The following CPXM2 variants were observed in gnomAD, a reference collection of about 807,000 sequenced individuals.
CPXM2 encodes inactive carboxypeptidase-like protein X2.
In CPXM2, 66 loss-of-function variants were observed where a neutral mutation model predicts 86.1. The ratio of observed to expected loss-of-function variants is 0.77; its 90% CI spans 0.63 to 0.94. The LOEUF (loss-of-function observed/expected upper bound fraction) is 0.94. CPXM2 is among the 40% of genes least tolerant of loss of function. The pLI is 0.00. For missense variants in CPXM2, 948 were observed against 1,026.3 expected (o/e 0.92, Z 1.04); for synonymous variants, 388 against 400.2 (o/e 0.97, Z 0.36).
chr10:123,916,131 G>A (rs1388636274), intron 2 of CPXM2, among the ~76,000 whole-genome samples: 1 of 152,176 alleles, frequency 6.6e-6, no homozygotes, highest in Non-Finnish European at 1.5e-5. Flanking sequence ...ATTACTACAG[G>A]AGTGGAAAGC....
At chr10:123,750,361 C>CCT (rs1846047744) in intron 13 of CPXM2, 3 of 971,988 alleles carry the variant, frequency 3.1e-6, no homozygotes, top group Non-Finnish European at 3.7e-6. Context: ...TCCCAGCCGG[C>CCT]CTCTCTCCAG....
In CPXM2 at chr10:123,828,034, T is replaced by G. The variant is rs1168973897; in HGVS notation, c.653+14315A>C. ...TTAAAAACAAAAATTAGCCAGATGTTGTGGTGCATGCCTCTAGTCCTTGCT... is the reference window on the plus strand; with the variant it reads ...TTAAAAACAAAAATTAGCCAGATGTGGTGGTGCATGCCTCTAGTCCTTGCT... On this transcript the variant is annotated intron_variant, in intron 4 of 13. Transcript: ENST00000241305. Among the ~76,000 whole-genome samples, 3 of 151,970 alleles carry G rather than the reference T, an allele frequency of 2.0e-5. No homozygotes were observed. In the East Asian group the frequency reaches 5.8e-4, roughly 29 times the overall value.
intron 2 of CPXM2, among the ~76,000 whole-genome samples, chr10:123,872,690 G>A (rs922360321): frequency 6.6e-6 from 1 of 152,128 alleles, no homozygotes; most frequent in African/African-American, 2.4e-5. Context: ...GTCCCTCCTG[G>A]AGAAAATCTG....
Position 123,826,276 on chromosome 10 carries a change from G to C in CPXM2, c.653+16073C>G, listed in dbSNP as rs142188899. ...GGCAGGATTTTCATCTCCCCTGCAA[G>C]ATTATGCTTCTGAGCACGGAAGGTT... On this transcript the variant is annotated intron_variant, in intron 4 of 13. Coordinates refer to ENST00000241305, the MANE Select transcript of CPXM2 (RefSeq NM_198148.3). Among the ~76,000 whole-genome samples the C allele has an allele frequency of 1.1e-4, 17 of 152,292 alleles. No homozygotes were observed. The East Asian group carries it at 3.1e-3, about 28-fold the overall frequency.
intron 2 of CPXM2, among the ~76,000 whole-genome samples, chr10:123,919,551 G>C (rs958221670): frequency 6.6e-6 from 1 of 152,148 alleles, no homozygotes; most frequent in Admixed American, 6.5e-5. Flanking sequence ...TCTCAGTAAA[G>C]AAATAGAACC....
In CPXM2 at chr10:123,752,686, T is replaced by C. The variant is rs1846106585; in HGVS notation, c.2017+1977A>G. 1.2e-5 allele frequency: 11 copies of C among 917,286 alleles called. No homozygotes were observed. In the South Asian group the frequency reaches 2.0e-4, roughly 17 times the overall value. 56.8% of individuals were successfully genotyped at this position (917,286 alleles called of 1,614,324 possible). On this transcript the variant is annotated intron_variant, in intron 13 of 13. Coordinates refer to ENST00000241305, the MANE Select transcript of CPXM2 (RefSeq NM_198148.3). ...TCCTCCCTGTTCAAGAAAAATGGCA[T>C]GGAAATAAAGGAAGGAGCACCAGAT...
At chr10:123,751,208 A>G (rs1302476966) in intron 13 of CPXM2, 1 of 239,622 alleles carries the variant, frequency 4.2e-6, no homozygotes, top group Non-Finnish European at 6.7e-6. Context: ...CATAAGCCAG[A>G]GATGTTTGTA....
chr10:123,785,743 C>A (rs1196371529), intron 6 of CPXM2, among the ~76,000 whole-genome samples: 1 of 151,992 alleles, frequency 6.6e-6, no homozygotes, highest in South Asian at 2.1e-4. Flanking sequence ...CGCCATTCTC[C>A]TGTCTCAGCC....
chr10:123,802,997 G>A (rs896672377), intron 4 of CPXM2, among the ~76,000 whole-genome samples: 3 of 150,282 alleles, frequency 2.0e-5, no homozygotes, highest in Admixed American at 2.0e-4. Context: ...CAATTAAGTT[G>A]TCTGTCTTTC....
intron 2 of CPXM2, among the ~76,000 whole-genome samples, chr10:123,936,069 A>ATTATCACCAGCAT: frequency 6.6e-6 from 1 of 151,992 alleles, no homozygotes; most frequent in East Asian, 1.9e-4. Flanking sequence ...CATCATCACC[A>ATTATCACCAGCAT]CTATCTTTAC....
At chr10:123,842,265 C>A (rs1246484543) in intron 4 of CPXM2, 84 bp downstream of exon 4, 1 of 1,555,574 alleles carries the variant, frequency 6.4e-7, no homozygotes, top group African/African-American at 1.4e-5. Context: ...CACCTCTCTG[C>A]AACTTCCAGA....
At chr10:123,833,793 C>A (rs1028334826) in intron 4 of CPXM2, among the ~76,000 whole-genome samples, 1 of 152,146 alleles carries the variant, frequency 6.6e-6, no homozygotes, top group Non-Finnish European at 1.5e-5. Context: ...GGATGTGGTC[C>A]GAGCACATTT....
In CPXM2 at chr10:123,808,491, C is replaced by T. The variant is rs572414643; in HGVS notation, c.654-9292G>A. The stretch of plus-strand genomic sequence containing the variant: ...ATCTAACAGTGCCAGGATCAGAGTA[C>T]TAAGCCTGAGGACCATCGAAAGCTA... On this transcript the variant is annotated intron_variant, in intron 4 of 13. Coordinates refer to ENST00000241305, the MANE Select transcript of CPXM2 (RefSeq NM_198148.3). 1.1e-4 allele frequency among the ~76,000 whole-genome samples: 16 copies of T among 152,258 alleles called. No homozygotes were observed. The South Asian group carries it at 3.3e-3, about 32-fold the overall frequency.
At chr10:123,921,929 C>G (rs1031199005) in intron 2 of CPXM2, among the ~76,000 whole-genome samples, 1 of 151,922 alleles carries the variant, frequency 6.6e-6, no homozygotes, top group Non-Finnish European at 1.5e-5. Flanking sequence ...TGTGTGATGC[C>G]TGATGCCTTT....
At chr10:123,845,713 T>C (rs1017998312) in intron 3 of CPXM2, among the ~76,000 whole-genome samples, 1 of 152,048 alleles carries the variant, frequency 6.6e-6, no homozygotes, top group Non-Finnish European at 1.5e-5. Flanking sequence ...CTTCAAAACA[T>C]GTAAGAATCT....
Position 123,880,314 on chromosome 10 carries a change from AG to A in CPXM2, c.305-6del. 4 of 1,310,066 alleles carry A rather than the reference AG, an allele frequency of 3.1e-6. No individual in the cohort carries two copies. The highest frequency in any genetic ancestry group is 1.4e-5 in the African/African-American group (1 of 69,018). 81.2% of individuals were successfully genotyped at this position (1,310,066 alleles called of 1,614,324 possible). A position where few individuals can be genotyped will look rare whatever the true frequency, so the allele number is the denominator to read the frequency against. ...CTTTTTTGTTGCTGTGTTTACCTAA[AG>A]GGGGAGAGAGAGATGCCTTTACTTT... On this transcript the variant is annotated splice_region_variant and splice_polypyrimidine_tract_variant and intron_variant, in intron 1 of 13. Coordinates refer to ENST00000241305, the MANE Select transcript of CPXM2 (RefSeq NM_198148.3).
upstream of CPXM2, among the ~76,000 whole-genome samples, chr10:123,896,604 T>C (rs1945340267): frequency 1.3e-5 from 2 of 152,266 alleles, no homozygotes; most frequent in South Asian, 4.1e-4. Flanking sequence ...TGCAACTTAA[T>C]TCCTCTCCTC....
chr10:123,825,821 T>C (rs563108694), intron 4 of CPXM2, among the ~76,000 whole-genome samples: 18 of 152,318 alleles, frequency 1.2e-4, no homozygotes, highest in African/African-American at 4.1e-4. Context: ...TTTTTTGAGG[T>C]CTTCCCAAAG....
intron 6 of CPXM2, among the ~76,000 whole-genome samples, chr10:123,786,797 A>C (rs1412178492): frequency 1.3e-5 from 2 of 151,934 alleles, no homozygotes; most frequent in Non-Finnish European, 2.9e-5. Context: ...AAGATCCTTC[A>C]CCTCTCCCTG....
Sources: allele counts gnomAD v4.1 joint callset (sites outside exome capture counted in the v4.1 genomes callset), GRCh38; gene constraint gnomAD v4.1.1; transcripts MANE v1.5; gene names NCBI Gene and HGNC (gene_info 2026-07-23, HGNC 2026-07-21).